Variants in TRIO observed in about 807,000 individuals in gnomAD.
The protein encoded by TRIO is trio Rho guanine nucleotide exchange factor, also known as triple functional domain protein.
In TRIO, 58 loss-of-function variants were observed where a neutral mutation model predicts 351.9. That is an observed-to-expected ratio of 0.16 (90% CI 0.13 to 0.21). The LOEUF (loss-of-function observed/expected upper bound fraction) is 0.21. TRIO is among the 10% of genes least tolerant of loss of function. The probability of loss-of-function intolerance (pLI) is 1.00; values close to 1 mark genes in which losing one functional copy is unlikely to be tolerated. For synonymous variants in TRIO, 1,758 were observed against 1,595.7 expected (o/e 1.10, Z -2.42); for missense variants, 3,201 against 4,027.8 (o/e 0.79, Z 5.56).
chr5:14,225,844 G>C (rs1309232691), intron 1 of TRIO, among the ~76,000 whole-genome samples: 1 of 122,596 alleles, frequency 8.2e-6, no homozygotes, highest in Admixed American at 1.0e-4. Context: ...GCATAACAAC[G>C]GGGGTGGGCA....
intron 1 of TRIO, among the ~76,000 whole-genome samples, chr5:14,152,900 T>C (rs1445444757): frequency 6.6e-6 from 1 of 152,234 alleles, no homozygotes; most frequent in Non-Finnish European, 1.5e-5. Flanking sequence ...ATGTTGTTAG[T>C]AGGTAAATTT....
At chr5:14,403,530 TTGTGGTGAGGGTGC>T (rs1748372440) in intron 31 of TRIO, among the ~76,000 whole-genome samples, 2 of 106,634 alleles carry the variant, frequency 1.9e-5, no homozygotes, top group African/African-American at 4.0e-5. Context: ...AGGGTGCAGG[TTGTGGTGAGGGTGC>T]AGGTTGTGAG....
At chr5:14,364,853 A>G in intron 15 of TRIO, 37 bp downstream of exon 15, 2 of 1,583,902 alleles carry the variant, frequency 1.3e-6, no homozygotes, top group Admixed American at 1.8e-5. Flanking sequence ...AGGCTGCGCT[A>G]CAGATGCTTG....
At chr5:14,306,570 G>C (rs1182540877) in intron 8 of TRIO, among the ~76,000 whole-genome samples, 1 of 152,210 alleles carries the variant, frequency 6.6e-6, no homozygotes, top group Non-Finnish European at 1.5e-5. Context: ...CTCTTGCTTT[G>C]GAGCTGTTCT....
chr5:14,396,177 C>T lies in TRIO; in HGVS notation c.4312-866C>T, dbSNP rs534610479. On this transcript the variant is annotated intron_variant, in intron 28 of 56. Coordinates refer to ENST00000344204, the MANE Select transcript of TRIO (RefSeq NM_007118.4). ...ATGTAATCACACACATAGGGCTCCC[C>T]AGAGAGATGTAATTCAACCATTAGA... Among the ~76,000 whole-genome samples the T allele has an allele frequency of 5.9e-5, 9 of 152,046 alleles. No individual in the cohort carries two copies. In the East Asian group the frequency reaches 1.5e-3, roughly 26 times the overall value.
At chr5:14,151,038 T>C (rs1339940804) in intron 1 of TRIO, among the ~76,000 whole-genome samples, 3 of 152,192 alleles carry the variant, frequency 2.0e-5, no homozygotes, top group South Asian at 2.1e-4. Context: ...AGATCGAAGA[T>C]GACAAGTGGC....
At chr5:14,248,432 A>G (rs1054683933) in intron 1 of TRIO, among the ~76,000 whole-genome samples, 3 of 152,228 alleles carry the variant, frequency 2.0e-5, no homozygotes, top group African/African-American at 7.2e-5. Flanking sequence ...GGAAAGTAAA[A>G]TAAAGTGATT....
chr5:14,163,683 T>C (rs32596), intron 1 of TRIO, among the ~76,000 whole-genome samples: 43,256 of 152,174 alleles, frequency 0.28, 6,410 homozygotes, highest in East Asian at 0.47. Context: ...CACATTGTTG[T>C]AGATGACCAG....
intron 16 of TRIO, among the ~76,000 whole-genome samples, chr5:14,368,075 A>G (rs1744758771): frequency 6.6e-6 from 1 of 152,178 alleles, no homozygotes; most frequent in African/African-American, 2.4e-5. Flanking sequence ...CTCACTGGAG[A>G]GAAGCTTACC....
At chr5:14,453,273 G>A (rs938252253) in intron 34 of TRIO, among the ~76,000 whole-genome samples, 22 of 152,140 alleles carry the variant, frequency 1.4e-4, no homozygotes, top group Admixed American at 1.3e-4. Flanking sequence ...TGACTGCGAT[G>A]TGCTGATAGT....
At chr5:14,355,575 T>A (rs550275695) in intron 11 of TRIO, among the ~76,000 whole-genome samples, 1 of 152,242 alleles carries the variant, frequency 6.6e-6, no homozygotes, top group Non-Finnish European at 1.5e-5. Flanking sequence ...TTACTCTAAA[T>A]CTTATAATAC....
chr5:14,383,939 A>G (rs1746330599), intron 21 of TRIO, among the ~76,000 whole-genome samples: 1 of 152,178 alleles, frequency 6.6e-6, no homozygotes, highest in South Asian at 2.1e-4. Flanking sequence ...ATGTTATAAC[A>G]TTTTTAGTGT....
rs369820818 is a variant in TRIO at position 14,508,237 on chromosome 5, A to G, written c.9109A>G (p.Lys3037Glu). ...CTTCCTCCTGCAGGAGGACCCCGCC[A>G]AGCGTCCCTCGGCTGCGCTGGCCCT... ...VCFLLQEDPA[K>E]RPSAALALQE... Residue 3037 changes from lysine to glutamate, a missense_variant, in exon 57 of 57, where the codon AAG becomes GAG. By Grantham distance (56) the Lys-to-Glu change is moderately conservative. This residue lies in a region of TRIO where 233 missense variants were observed against 292.6 expected (regional missense o/e 0.80). Transcript: ENST00000344204. 1.6e-5 allele frequency: 26 copies of G among 1,613,944 alleles called. No individual in the cohort carries two copies. The highest frequency in any genetic ancestry group is 2.1e-5 in the Non-Finnish European group (25 of 1,180,036).
chr5:14,165,944 T>A (rs1788740020), intron 1 of TRIO, among the ~76,000 whole-genome samples: 1 of 152,236 alleles, frequency 6.6e-6, no homozygotes, highest in South Asian at 2.1e-4. Flanking sequence ...CTTTCTTCTG[T>A]AAATGGACTC....
intron 1 of TRIO, among the ~76,000 whole-genome samples, chr5:14,199,724 G>A (rs1243447872): frequency 1.3e-5 from 2 of 152,074 alleles, no homozygotes. Flanking sequence ...TAGGATGATG[G>A]CATTTACTAC....
At chr5:14,483,986 A>T (rs931809722) in intron 46 of TRIO, among the ~76,000 whole-genome samples, 3 of 152,004 alleles carry the variant, frequency 2.0e-5, no homozygotes, top group Non-Finnish European at 4.4e-5. Flanking sequence ...GACTGCAGCC[A>T]TCATCTGAAC....
At chr5:14,489,064 G>A in intron 48 of TRIO, 1 of 765,196 alleles carries the variant, frequency 1.3e-6, no homozygotes, top group South Asian at 1.3e-5. Flanking sequence ...TTTCCTGAAG[G>A]CATGCGTGAG....
chr5:14,287,104 T>G (rs766106572), intron 4 of TRIO, 41 bp downstream of exon 4: 4 of 1,591,602 alleles, frequency 2.5e-6, no homozygotes, highest in Non-Finnish European at 3.4e-6. Context: ...AACAAGTTGG[T>G]GTGGTTTACT....
chr5:14,359,483 G>A lies in TRIO; in HGVS notation c.2343G>A (p.Lys781=). Residue 781 remains lysine, a synonymous_variant, in exon 13 of 57, where the codon AAG becomes AAA. Transcript: ENST00000344204. ...AGCTCTTCCAGGAGCGCAAGATCAA[G>A]CTGGAGCTCTTCCTGCAGCTGCGCA... is the stretch of plus-strand genomic sequence containing the variant. ...MEELFQERKI[K]LELFLQLRIF... is the part of the protein sequence containing the mutation. 1 of 1,614,276 alleles carries A rather than the reference G, an allele frequency of 6.2e-7. No homozygotes were observed. The highest frequency in any genetic ancestry group is 1.7e-5 in the Admixed American group (1 of 60,034).
Sources: gnomAD v4.1 joint callset for allele counts (sites outside exome capture counted in the v4.1 genomes callset) on GRCh38, gnomAD v4.1.1 for gene constraint, gnomAD v4.1.1 regional missense constraint, MANE v1.5 for transcripts, NCBI Gene and HGNC (gene_info 2026-07-23, HGNC 2026-07-21) for gene names.